MAGI2: variants seen among roughly 807,000 people sequenced by gnomAD.
MAGI2 encodes membrane associated guanylate kinase, WW and PDZ domain containing 2, also known as membrane-associated guanylate kinase, WW and PDZ domain-containing protein 2.
A neutral mutation model predicts 133.3 loss-of-function variants in MAGI2; 35 were observed. The observed-to-expected ratio is 0.26, with a 90% CI of 0.20 to 0.35. MAGI2 has a LOEUF of 0.35. Among genes scored for constraint, MAGI2 ranks in the 10% least tolerant of loss-of-function variants. The pLI, the probability that MAGI2 is intolerant of heterozygous loss-of-function variation, is 1.00. For synonymous variants in MAGI2, 729 were observed against 710.6 expected (o/e 1.03, Z -0.41); for missense variants, 1,636 against 1,863.4 (o/e 0.88, Z 2.25).
intron 2 of MAGI2, among the ~76,000 whole-genome samples, chr7:78,805,112 A>G (rs1741597789): frequency 6.6e-6 from 1 of 151,976 alleles, no homozygotes; most frequent in African/African-American, 2.4e-5. Flanking sequence ...CCTCTAAAAA[A>G]TTGACATATC....
intron 20 of MAGI2, among the ~76,000 whole-genome samples, chr7:78,087,638 C>T (rs896818391): frequency 6.6e-6 from 1 of 151,898 alleles, no homozygotes; most frequent in African/African-American, 2.4e-5. Flanking sequence ...GAAAACAAAA[C>T]AAAACAAAAA....
intron 2 of MAGI2, among the ~76,000 whole-genome samples, chr7:78,906,724 AT>A (rs769804308): frequency 2.0e-5 from 3 of 151,778 alleles, no homozygotes; most frequent in Non-Finnish European, 2.9e-5. Flanking sequence ...GTCAAGGATG[AT>A]ATGCTATAAT....
At chr7:78,136,341 C>T (rs944893508) in intron 16 of MAGI2, among the ~76,000 whole-genome samples, 2 of 151,998 alleles carry the variant, frequency 1.3e-5, no homozygotes, top group Non-Finnish European at 2.9e-5. Flanking sequence ...AGGATGGTCT[C>T]GATCTCCTGA....
At position 78,489,947 on chromosome 7, in the gene MAGI2, A is replaced by G. The variant is rs1295953655; in HGVS notation, c.966-107T>C. 3 of 762,402 alleles carry G rather than the reference A, an allele frequency of 3.9e-6. No homozygotes were observed. The Admixed American group carries it at 7.0e-5, about 18-fold the overall frequency. 47.2% of individuals were successfully genotyped at this position (762,402 alleles called of 1,614,324 possible). A position where few individuals can be genotyped will look rare whatever the true frequency, so the allele number is the denominator to read the frequency against. ...AGTCCAACAAAATTGCAATCGATAC[A>G]CTTAATTTGCTTACTGGTTCTAAGT... On this transcript the variant is annotated intron_variant, in intron 5 of 21. Coordinates refer to ENST00000354212, the MANE Select transcript of MAGI2 (RefSeq NM_012301.4).
chr7:78,829,521 T>C, intron 2 of MAGI2, among the ~76,000 whole-genome samples: 1 of 152,076 alleles, frequency 6.6e-6, no homozygotes, highest in East Asian at 1.9e-4. Flanking sequence ...AACTATTGAT[T>C]ATTCATCAAT....
At chr7:79,007,630 C>T (rs1289852857) in intron 1 of MAGI2, among the ~76,000 whole-genome samples, 2 of 152,072 alleles carry the variant, frequency 1.3e-5, no homozygotes, top group East Asian at 1.9e-4. Flanking sequence ...CTAGGTACCT[C>T]ATATAAGTAG....
At chr7:79,192,444 A>G (rs556184629) in intron 1 of MAGI2, among the ~76,000 whole-genome samples, 18 of 152,022 alleles carry the variant, frequency 1.2e-4, no homozygotes, top group Non-Finnish European at 1.8e-4. Flanking sequence ...TACATAATTT[A>G]TAATATATTG....
intron 9 of MAGI2, among the ~76,000 whole-genome samples, chr7:78,315,620 TATTATC>T (rs1787334651): frequency 6.6e-6 from 1 of 152,120 alleles, no homozygotes; most frequent in Non-Finnish European, 1.5e-5. Flanking sequence ...TTTTAAAGAG[TATTATC>T]ATTCTCAGCC....
intron 1 of MAGI2, among the ~76,000 whole-genome samples, chr7:79,177,656 A>G (rs1207364201): frequency 6.6e-6 from 1 of 152,088 alleles, no homozygotes; most frequent in African/African-American, 2.4e-5. Flanking sequence ...AAATGATGAT[A>G]ATAATAGCAG....
intron 1 of MAGI2, among the ~76,000 whole-genome samples, chr7:79,441,866 G>A (rs1177003826): frequency 2.0e-5 from 3 of 151,826 alleles, no homozygotes; most frequent in East Asian, 1.9e-4. Context: ...GCAATATACC[G>A]TATATTCATA....
rs539330296 is a variant in MAGI2 at position 78,483,606 on chromosome 7, T to C, written c.1045+6155A>G. 3.3e-5 allele frequency among the ~76,000 whole-genome samples: 5 copies of C among 151,928 alleles called. No homozygotes were observed. The East Asian group carries it at 9.8e-4, about 30-fold the overall frequency. On this transcript the variant is annotated intron_variant, in intron 6 of 21. Coordinates refer to ENST00000354212, the MANE Select transcript of MAGI2 (RefSeq NM_012301.4). ...ACGACAGTGGAATATCCATCCTACCTGATTTATTTTGGATAAATTGTATTA... is the reference window on the plus strand; with the variant it reads ...ACGACAGTGGAATATCCATCCTACCCGATTTATTTTGGATAAATTGTATTA...
intron 3 of MAGI2, among the ~76,000 whole-genome samples, chr7:78,530,994 A>C (rs930242775): frequency 3.3e-5 from 5 of 152,140 alleles, no homozygotes; most frequent in Admixed American, 6.5e-5. Flanking sequence ...CTCAAATCAC[A>C]GTGGAGGTGT....
At chr7:79,451,969 A>G (rs1849293850) in intron 1 of MAGI2, among the ~76,000 whole-genome samples, 1 of 152,210 alleles carries the variant, frequency 6.6e-6, no homozygotes, top group Non-Finnish European at 1.5e-5. Context: ...CTTCTGCACC[A>G]TAATTTTCTT....
intron 10 of MAGI2, among the ~76,000 whole-genome samples, chr7:78,231,110 A>G (rs576062448): frequency 2.0e-5 from 3 of 152,330 alleles, no homozygotes; most frequent in African/African-American, 7.2e-5. Flanking sequence ...TAAAATGTAG[A>G]TAATGATTCA....
chr7:78,911,294 A>C (rs1231107226), intron 2 of MAGI2, among the ~76,000 whole-genome samples: 1 of 152,190 alleles, frequency 6.6e-6, no homozygotes, highest in Non-Finnish European at 1.5e-5. Flanking sequence ...TGATTAACCA[A>C]CTGTATCTGA....
At chr7:79,185,842 C>T (rs1030511799) in intron 1 of MAGI2, among the ~76,000 whole-genome samples, 6 of 151,708 alleles carry the variant, frequency 4.0e-5, no homozygotes, top group African/African-American at 1.5e-4. Context: ...CTAAGAAACA[C>T]AGTTGAAGCT....
chr7:78,026,020 C>T (rs927500921), intron 21 of MAGI2: 38 of 152,558 alleles, frequency 2.5e-4, no homozygotes, highest in Non-Finnish European at 4.7e-4. Context: ...TTATATTCCA[C>T]TGTGGGAGAA....
At chr7:79,114,136 A>G (rs1819182096) in intron 1 of MAGI2, among the ~76,000 whole-genome samples, 1 of 152,192 alleles carries the variant, frequency 6.6e-6, no homozygotes, top group Non-Finnish European at 1.5e-5. Flanking sequence ...TCTAAAATCA[A>G]GCCTGCTGAG....
chr7:79,117,495 T>A (rs1219722453), intron 1 of MAGI2, among the ~76,000 whole-genome samples: 1 of 152,146 alleles, frequency 6.6e-6, no homozygotes, highest in Non-Finnish European at 1.5e-5. Flanking sequence ...TCATAAATAG[T>A]TTTGAAACTT....
Sources: gnomAD v4.1 joint callset for allele counts (sites outside exome capture counted in the v4.1 genomes callset) on GRCh38, gnomAD v4.1.1 for gene constraint, MANE v1.5 for transcripts, NCBI Gene and HGNC (gene_info 2026-07-23, HGNC 2026-07-21) for gene names.